Variants in TEX9 observed in about 807,000 individuals in gnomAD.
TEX9 encodes the protein testis-expressed protein 9.
TEX9 carries 74 observed loss-of-function variants against 59.6 expected under a neutral mutation model. That is an observed-to-expected ratio of 1.24 (90% confidence interval 1.03 to 1.51). The LOEUF is 1.51. TEX9 is among the 40% of genes most tolerant of loss of function. TEX9 has a pLI of 0.00. For synonymous variants in TEX9, 186 were observed against 152.2 expected, an observed-to-expected ratio of 1.22 and a Z score of -1.64; for missense variants, 522 against 447.8, an observed-to-expected ratio of 1.17 and a Z score of -1.49.
At chr15:56,261,807 G>C (rs1276194286) in intron 1 of TEX9, among the ~76,000 whole-genome samples, 5 of 152,266 alleles carry the variant, frequency 3.3e-5, no homozygotes, top group African/African-American at 1.2e-4. Flanking sequence ...AGGAATAGTA[G>C]ATGTAGGTTA....
At chr15:56,278,433 A>C (rs867979135) in intron 1 of TEX9, among the ~76,000 whole-genome samples, 20 of 152,042 alleles carry the variant, frequency 1.3e-4, no homozygotes, top group Admixed American at 5.2e-4. Context: ...ATTACAGTGC[A>C]CCACTGGAGT....
intron 3 of TEX9, among the ~76,000 whole-genome samples, chr15:56,378,397 CTTA>C (rs149719788): frequency 0.031 from 4,745 of 151,262 alleles, 174 homozygotes; most frequent in East Asian, 0.095. Flanking sequence ...AGTCTTGTTA[CTTA>C]TTATTGTTCT....
At chr15:56,273,963 A>G (rs1208042106) in intron 1 of TEX9, among the ~76,000 whole-genome samples, 2 of 152,104 alleles carry the variant, frequency 1.3e-5, no homozygotes, top group Non-Finnish European at 2.9e-5. Context: ...ACCTTCTCGT[A>G]TCTGTGGCTT....
intron 3 of TEX9, among the ~76,000 whole-genome samples, chr15:56,378,563 T>C (rs2047571550): frequency 6.6e-6 from 1 of 152,202 alleles, no homozygotes; most frequent in African/African-American, 2.4e-5. Context: ...TTGTCAGTTG[T>C]AATGCCTCCT....
intron 12 of TEX9, chr15:56,443,441 T>G (rs1439598169): frequency 6.3e-7 from 1 of 1,578,614 alleles, no homozygotes; most frequent in Non-Finnish European, 8.6e-7. Flanking sequence ...TTTAGCTTGC[T>G]CTTATATATT....
chr15:56,340,462 T>C (rs1269327954), intron 1 of TEX9, among the ~76,000 whole-genome samples: 1 of 152,208 alleles, frequency 6.6e-6, no homozygotes, highest in Non-Finnish European at 1.5e-5. Flanking sequence ...AGGAACATAA[T>C]TAGTTAACTG....
chr15:56,287,660 A>G (rs986180134), intron 1 of TEX9, among the ~76,000 whole-genome samples: 7 of 152,072 alleles, frequency 4.6e-5, no homozygotes, highest in African/African-American at 1.7e-4. Context: ...TTGTCTTTTG[A>G]CCAATATCTC....
At chr15:56,437,830 A>G (rs1159842358) in intron 12 of TEX9, among the ~76,000 whole-genome samples, 1 of 152,196 alleles carries the variant, frequency 6.6e-6, no homozygotes, top group Non-Finnish European at 1.5e-5. Context: ...TAACAGACAG[A>G]CAGAGAGCCA....
At chr15:56,280,572 A>G (rs1469076462) in intron 1 of TEX9, among the ~76,000 whole-genome samples, 41 of 152,244 alleles carry the variant, frequency 2.7e-4, no homozygotes, top group Non-Finnish European at 2.2e-4. Context: ...TGAAGTCAAG[A>G]TTATGCCTAT....
intron 1 of TEX9, among the ~76,000 whole-genome samples, chr15:56,359,106 C>T (rs1320670410): frequency 6.6e-6 from 1 of 152,094 alleles, no homozygotes; most frequent in Non-Finnish European, 1.5e-5. Flanking sequence ...TTGGCTGTGA[C>T]AGTTTCACAG....
rs2048346395 is a variant in TEX9, at chr15:56,394,174, TC to T, written c.582del (p.Arg195AspfsTer3). 6.2e-7 allele frequency: 1 copy of T among 1,607,842 alleles called. No homozygotes were observed. Among genetic ancestry groups the T allele is most frequent in the Non-Finnish European group, 8.5e-7 (1 of 1,177,300 alleles). ...TTATTTAAATTCACAGAAGCACAGA[TC>T]AGATTTCTAAAGGCCAAACTCCATG... On this transcript the variant is annotated frameshift_variant, in exon 8 of 13. Transcript: ENST00000352903. LOFTEE classifies it high-confidence loss of function.
At chr15:56,391,102 A>G (rs2048187933) in intron 6 of TEX9, 141 bp from the exon 7 acceptor site, 2 of 442,322 alleles carry the variant, frequency 4.5e-6, no homozygotes, top group East Asian at 3.8e-5. Flanking sequence ...AAAAATATCA[A>G]TTACAGATTT....
chr15:56,318,053 C>G (rs1001779658), intron 1 of TEX9, among the ~76,000 whole-genome samples: 2 of 152,078 alleles, frequency 1.3e-5, no homozygotes, highest in Non-Finnish European at 2.9e-5. Context: ...TCTATTGGTT[C>G]TATCCATTAT....
intron 1 of TEX9, among the ~76,000 whole-genome samples, chr15:56,246,268 G>A (rs543663959): frequency 6.6e-6 from 1 of 152,110 alleles, no homozygotes; most frequent in East Asian, 1.9e-4. Flanking sequence ...AACCTTTTCC[G>A]GCCTTCCAGG....
At chr15:56,281,610 A>C (rs925198123) in intron 1 of TEX9, among the ~76,000 whole-genome samples, 35 of 152,316 alleles carry the variant, frequency 2.3e-4, no homozygotes, top group African/African-American at 7.9e-4. Context: ...CCTGGTGCCA[A>C]AAAGTTTGGG....
At chr15:56,430,693 A>ATCTT (rs1453608231) in intron 12 of TEX9, among the ~76,000 whole-genome samples, 1 of 152,194 alleles carries the variant, frequency 6.6e-6, no homozygotes, top group Non-Finnish European at 1.5e-5. Context: ...ACACATTCTC[A>ATCTT]TCTTTGGCAT....
chr15:56,328,729 T>G (rs1219104429), intron 1 of TEX9, among the ~76,000 whole-genome samples: 1 of 152,116 alleles, frequency 6.6e-6, no homozygotes, highest in Admixed American at 6.5e-5. Flanking sequence ...TGGGAAGTAC[T>G]GGGTCTCATG....
At chr15:56,369,115 T>A (rs1339038797) in intron 2 of TEX9, among the ~76,000 whole-genome samples, 1 of 152,168 alleles carries the variant, frequency 6.6e-6, no homozygotes, top group Admixed American at 6.5e-5. Context: ...TATACGATTT[T>A]CATAGTAATT....
intron 4 of TEX9, among the ~76,000 whole-genome samples, chr15:56,387,038 A>G (rs2047991666): frequency 2.0e-5 from 3 of 152,118 alleles, no homozygotes; most frequent in South Asian, 4.1e-4. Flanking sequence ...ATGGGAAACC[A>G]GAGTTTAATT....
Sources: gnomAD v4.1 joint callset for allele counts (sites outside exome capture counted in the v4.1 genomes callset) on GRCh38, gnomAD v4.1.1 for gene constraint, MANE v1.5 for transcripts, NCBI Gene and HGNC (gene_info 2026-07-23, HGNC 2026-07-21) for gene names.